PKD2L1: variants seen among roughly 807,000 people sequenced by gnomAD.
PKD2L1 encodes polycystin 2 like 1, transient receptor potential cation channel, also known as polycystin-2-like protein 1.
A neutral mutation model predicts 93.0 loss-of-function variants in PKD2L1; 77 were observed. That is an observed-to-expected ratio of 0.83 (90% CI 0.69 to 1.00). The LOEUF (loss-of-function observed/expected upper bound fraction) is 1.00. Among genes scored for constraint, PKD2L1 ranks in the 50% least tolerant of loss-of-function variants. The pLI is 0.00. For missense variants in PKD2L1, 977 were observed against 990.9 expected, an observed-to-expected ratio of 0.99 and a Z score of 0.19; for synonymous variants, 390 against 388.0, an observed-to-expected ratio of 1.01 and a Z score of -0.06.
Position 100,296,297 on chromosome 10 carries a change from C to G in PKD2L1, c.1186-5G>C. ...GCCCACAGCCACAATGGAGAGCTGT[C>G]ACACAGGGGTCATGGGGGTGTCAGA... is the stretch of plus-strand genomic sequence containing the variant. On this transcript the variant is annotated splice_region_variant and splice_polypyrimidine_tract_variant and intron_variant, in intron 6 of 15. Transcript: ENST00000318222. 6.3e-7 allele frequency: 1 copy of G among 1,584,420 alleles called. No individual in the cohort carries two copies. The highest frequency in any genetic ancestry group is 8.6e-7 in the Non-Finnish European group (1 of 1,168,950).
At chr10:100,306,211 G>A (rs1056569173) in intron 2 of PKD2L1, among the ~76,000 whole-genome samples, 2 of 152,160 alleles carry the variant, frequency 1.3e-5, no homozygotes, top group African/African-American at 4.8e-5. Flanking sequence ...TTTCTAATAA[G>A]TTCCAAAGTG....
chr10:100,291,639 CAT>C (rs1480832799), intron 11 of PKD2L1, among the ~76,000 whole-genome samples: 1 of 152,200 alleles, frequency 6.6e-6, no homozygotes, highest in Non-Finnish European at 1.5e-5. Context: ...TTCAGGGCCT[CAT>C]GACCTCCTAC....
chr10:100,326,004 T>C (rs1849371235), intron 2 of PKD2L1, among the ~76,000 whole-genome samples: 1 of 152,192 alleles, frequency 6.6e-6, no homozygotes, highest in African/African-American at 2.4e-5. Context: ...TTAACCAGCA[T>C]GCTATACTGC....
At chr10:100,313,744 G>C (rs1848985650) in intron 2 of PKD2L1, among the ~76,000 whole-genome samples, 1 of 152,172 alleles carries the variant, frequency 6.6e-6, no homozygotes, top group South Asian at 2.1e-4. Context: ...ACTCCAGAGA[G>C]AATTGATTAC....
intron 9 of PKD2L1, 71 bp downstream of exon 9, chr10:100,294,464 G>A: frequency 2.0e-6 from 3 of 1,522,788 alleles, no homozygotes; most frequent in Non-Finnish European, 2.7e-6. Flanking sequence ...AATCCTGAGT[G>A]AGGGACATAC....
intron 2 of PKD2L1, among the ~76,000 whole-genome samples, chr10:100,311,051 T>C (rs995497211): frequency 7.2e-5 from 11 of 152,198 alleles, no homozygotes; most frequent in African/African-American, 2.7e-4. Context: ...ATTTTTAACA[T>C]TGCTTTTATC....
At chr10:100,325,195 A>C (rs1021758013) in intron 2 of PKD2L1, among the ~76,000 whole-genome samples, 3 of 152,222 alleles carry the variant, frequency 2.0e-5, no homozygotes, top group African/African-American at 4.8e-5. Flanking sequence ...TCAGTGGCCC[A>C]AAAGCCATTG....
At chr10:100,326,856 TC>T (rs1183057062) in intron 2 of PKD2L1, among the ~76,000 whole-genome samples, 1 of 152,010 alleles carries the variant, frequency 6.6e-6, no homozygotes, top group Non-Finnish European at 1.5e-5. Context: ...ATGCCTTCAA[TC>T]CCTACATAAT....
chr10:100,315,053 A>G (rs1589677365), intron 2 of PKD2L1, among the ~76,000 whole-genome samples: 1 of 11,860 alleles, frequency 8.4e-5, no homozygotes. Flanking sequence ...AGGGAAGGGA[A>G]GGGAAGGGAA....
At chr10:100,306,557 A>G (rs1389489785) in intron 2 of PKD2L1, among the ~76,000 whole-genome samples, 3 of 152,124 alleles carry the variant, frequency 2.0e-5, no homozygotes, top group Non-Finnish European at 4.4e-5. Context: ...TTATTGCAGA[A>G]GAAAACTGAA....
intron 2 of PKD2L1, among the ~76,000 whole-genome samples, chr10:100,317,107 T>A (rs967487302): frequency 1.3e-5 from 2 of 151,960 alleles, no homozygotes. Flanking sequence ...AAAAATAAAA[T>A]AAAATAAATT....
rs1309432153 is a variant in PKD2L1 at position 100,315,004 on chromosome 10, AAGGAAGG to A, written c.349+14200_349+14206del. Among the ~76,000 whole-genome samples, 11 of 10,830 alleles carry A rather than the reference AAGGAAGG, an allele frequency of 1.0e-3. 1 individual carries two copies. The highest frequency in any genetic ancestry group is 5.5e-3 in the South Asian group (1 of 182). 7.1% of individuals were successfully genotyped at this position (10,830 alleles called of 152,430 possible). ...GAAGGAAGGAAGGAAGGAAGGAAGGAAGGAAGGAAGGGAAGGGAAGGGAAGGGAAGGG... is the reference window on the plus strand; with the variant it reads ...GAAGGAAGGAAGGAAGGAAGGAAGGAAAGGGAAGGGAAGGGAAGGGAAGGG... On this transcript the variant is annotated intron_variant, in intron 2 of 15. Coordinates refer to ENST00000318222, the MANE Select transcript of PKD2L1 (RefSeq NM_016112.3).
At chr10:100,309,148 T>G (rs754970247) in intron 2 of PKD2L1, among the ~76,000 whole-genome samples, 8 of 152,142 alleles carry the variant, frequency 5.3e-5, no homozygotes, top group Non-Finnish European at 1.2e-4. Flanking sequence ...AAGTAAATTA[T>G]GAGATCACTG....
At chr10:100,314,980 AAG>A (rs1849042759) in intron 2 of PKD2L1, among the ~76,000 whole-genome samples, 1 of 5,840 alleles carries the variant, frequency 1.7e-4, no homozygotes, top group Non-Finnish European at 4.8e-4. Flanking sequence ...GGAAGGAAGG[AAG>A]GAAGGAAGGA....
At chr10:100,292,875 C>T (rs113130222) in intron 11 of PKD2L1, 73 bp downstream of exon 11, 1 of 1,495,334 alleles carries the variant, frequency 6.7e-7, no homozygotes. Flanking sequence ...GGCTTATAAG[C>T]AAATGAAGTA....
chr10:100,321,739 GA>G (rs1849244594), intron 2 of PKD2L1, among the ~76,000 whole-genome samples: 1 of 9,414 alleles, frequency 1.1e-4, no homozygotes, highest in Non-Finnish European at 2.3e-4. Context: ...AAGAAAGAAA[GA>G]AAGAAAGAAA....
rs542897965 is a variant in PKD2L1, at chr10:100,299,516, C to A, written c.477+75G>T. The A allele has an allele frequency of 7.4e-6, 10 of 1,353,878 alleles. No individual in the cohort carries two copies. In the Admixed American group the frequency reaches 1.7e-4, roughly 23 times the overall value. 83.9% of individuals were successfully genotyped at this position (1,353,878 alleles called of 1,614,324 possible). The stretch of plus-strand genomic sequence containing the variant: ...CTGATTTGATTTCCCAGCATAAGGT[C>A]TGATCCGTTGTCTGACCTGTGGCCT... On this transcript the variant is annotated intron_variant, in intron 3 of 15. Transcript: ENST00000318222.
At chr10:100,306,583 C>G (rs886263779) in intron 2 of PKD2L1, among the ~76,000 whole-genome samples, 2 of 151,888 alleles carry the variant, frequency 1.3e-5, no homozygotes, top group Non-Finnish European at 2.9e-5. Flanking sequence ...CTTAATGGGT[C>G]GGGCGCAATG....
chr10:100,299,568 G>T (rs1051490037), intron 3 of PKD2L1, 23 bp downstream of exon 3: 35 of 1,609,944 alleles, frequency 2.2e-5, no homozygotes, highest in African/African-American at 2.7e-5. Flanking sequence ...AGAGGGGAGG[G>T]GTAGAAAAGA....
Sources: gnomAD v4.1 joint callset for allele counts (sites outside exome capture counted in the v4.1 genomes callset) on GRCh38, gnomAD v4.1.1 for gene constraint, MANE v1.5 for transcripts, NCBI Gene and HGNC (gene_info 2026-07-23, HGNC 2026-07-21) for gene names.